Variants in ANKDD1A observed in about 807,000 individuals in gnomAD.
The protein encoded by ANKDD1A is ankyrin repeat and death domain-containing protein 1A.
ANKDD1A carries 59 observed loss-of-function variants against 63.5 expected under a neutral mutation model. The ratio of observed to expected loss-of-function variants is 0.93; its 90% CI spans 0.75 to 1.15. The LOEUF (loss-of-function observed/expected upper bound fraction) is 1.15. Ranked by LOEUF, ANKDD1A falls within the 50% of genes most tolerant of loss-of-function variation. ANKDD1A has a pLI of 0.00. For synonymous variants in ANKDD1A, 266 were observed against 263.9 expected, an observed-to-expected ratio of 1.01 and a Z score of -0.08; for missense variants, 632 against 656.4, an observed-to-expected ratio of 0.96 and a Z score of 0.41.
At chr15:64,921,803 A>G in intron 3 of ANKDD1A, 118 bp from the exon 4 acceptor site, 2 of 807,242 alleles carry the variant, frequency 2.5e-6, no homozygotes, top group Non-Finnish European at 4.0e-6. Context: ...AGCTCCCTGG[A>G]TTAAGTGGCA....
Position 64,949,941 on chromosome 15 carries a change from C to T in ANKDD1A, c.1452C>T (p.Gly484=). ...ACCCCAGCAAAGCGCTGTTCGAGGGCCTCGTGGCCATTGGCAGGAGGGACC... is the reference window on the plus strand; with the variant it reads ...ACCCCAGCAAAGCGCTGTTCGAGGGTCTCGTGGCCATTGGCAGGAGGGACC... ...GENPSKALFE[G]LVAIGRRDLA... is the part of the protein sequence containing the mutation. Residue 484 remains glycine, a synonymous_variant, in exon 14 of 15, where the codon GGC becomes GGT. Transcript: ENST00000319580. 6.2e-7 allele frequency: 1 copy of T among 1,610,008 alleles called. No homozygotes were observed. Among genetic ancestry groups the T allele is most frequent in the Non-Finnish European group, 8.5e-7 (1 of 1,179,978 alleles).
intron 11 of ANKDD1A, among the ~76,000 whole-genome samples, chr15:64,944,081 C>G (rs1394048765): frequency 6.6e-6 from 1 of 152,174 alleles, no homozygotes; most frequent in African/African-American, 2.4e-5. Flanking sequence ...GCGAGGCCAG[C>G]CTAGTATGGT....
chr15:64,914,888 A>G (rs539873874), intron 1 of ANKDD1A, among the ~76,000 whole-genome samples: 1 of 152,176 alleles, frequency 6.6e-6, no homozygotes, highest in Non-Finnish European at 1.5e-5. Flanking sequence ...CTTTAATCTG[A>G]GACTCTGTGC....
rs2085383079 is a variant in ANKDD1A, at chr15:64,954,367, CTTCT to C, written c.1484-2734_1484-2731del. On this transcript the variant is annotated intron_variant, in intron 14 of 14. Coordinates refer to ENST00000319580, the MANE Select transcript of ANKDD1A (RefSeq NM_182703.6). ...CTCTCCTTCTTCTCTTCTTCTCCTT[CTTCT>C]TCCTTTTCTTTTCTTCTTCTTTCTT... is the stretch of plus-strand genomic sequence containing the variant. Among the ~76,000 whole-genome samples, 11 of 31,120 alleles carry C rather than the reference CTTCT, an allele frequency of 3.5e-4. No homozygotes were observed. The South Asian group carries it at 0.015, about 41-fold the overall frequency. The allele number at this position is 31,120 out of a possible 152,430, so 20.4% of individuals were successfully genotyped here. A position where few individuals can be genotyped will look rare whatever the true frequency, so the allele number is the denominator to read the frequency against.
intron 3 of ANKDD1A, among the ~76,000 whole-genome samples, chr15:64,921,674 C>T (rs540543425): frequency 3.7e-4 from 57 of 152,124 alleles, no homozygotes; most frequent in Non-Finnish European, 6.8e-4. Flanking sequence ...CAAGCCTGGC[C>T]GGCAGCTGTC....
At chr15:64,952,374 CCT>C (rs746527809) in intron 14 of ANKDD1A, among the ~76,000 whole-genome samples, 1 of 54,194 alleles carries the variant, frequency 1.8e-5, no homozygotes, top group Admixed American at 2.3e-4. Flanking sequence ...CTTTCTTCTT[CCT>C]CTTTCCTTCT....
chr15:64,915,994 G>C (rs1190827171), intron 2 of ANKDD1A, 94 bp downstream of exon 2: 1 of 1,216,672 alleles, frequency 8.2e-7, no homozygotes, highest in African/African-American at 1.5e-5. Context: ...CTAGAGGCAG[G>C]CACATTTGCA....
chr15:64,952,547 C>T (rs111063812), intron 14 of ANKDD1A, among the ~76,000 whole-genome samples: 20 of 123,692 alleles, frequency 1.6e-4, no homozygotes, highest in Non-Finnish European at 2.7e-4. Context: ...TCCTTCTCCT[C>T]CTCCTTCCTT....
chr15:64,955,801 C>T (rs2085411730), intron 14 of ANKDD1A, among the ~76,000 whole-genome samples: 5 of 152,178 alleles, frequency 3.3e-5, no homozygotes, highest in Admixed American at 3.3e-4. Flanking sequence ...CACAGGGCCA[C>T]AGTCTCTGAA....
At chr15:64,938,959 GA>G in intron 9 of ANKDD1A, among the ~76,000 whole-genome samples, 1 of 132,260 alleles carries the variant, frequency 7.6e-6, no homozygotes, top group Non-Finnish European at 1.7e-5. Context: ...AAAAAAAAAA[GA>G]AACTGAAGAC....
chr15:64,951,594 T>C (rs546435725), intron 14 of ANKDD1A, among the ~76,000 whole-genome samples: 29 of 102,282 alleles, frequency 2.8e-4, no homozygotes, highest in African/African-American at 7.9e-4. Context: ...TCCTTTTCTT[T>C]CTTCTTTCTT....
chr15:64,915,767 C>G, intron 1 of ANKDD1A, 30 bp from the exon 2 acceptor site: 1 of 1,599,104 alleles, frequency 6.3e-7, no homozygotes, highest in Non-Finnish European at 8.6e-7. Context: ...CATCCTCCCC[C>G]TCATCCTGCA....
chr15:64,952,121 TCTCTTTC>T (rs1566916390), intron 14 of ANKDD1A, among the ~76,000 whole-genome samples: 2 of 145,680 alleles, frequency 1.4e-5, no homozygotes, highest in Admixed American at 6.8e-5. Context: ...TCTTCTTTCT[TCTCTTTC>T]TTCTTCTTCC....
intron 12 of ANKDD1A, among the ~76,000 whole-genome samples, chr15:64,945,941 T>C (rs1342129544): frequency 2.0e-5 from 3 of 152,030 alleles, no homozygotes; most frequent in Non-Finnish European, 4.4e-5. Flanking sequence ...CGAATTATGA[T>C]TTTTATCAAG....
At chr15:64,917,632 T>A in intron 3 of ANKDD1A, 118 bp downstream of exon 3, 2 of 1,436,962 alleles carry the variant, frequency 1.4e-6, no homozygotes, top group East Asian at 2.6e-5. Context: ...TGCAGAGTGG[T>A]GGGGAGTCAG....
intron 9 of ANKDD1A, among the ~76,000 whole-genome samples, chr15:64,940,526 A>G (rs151063775): frequency 0.038 from 5,706 of 151,666 alleles, 355 homozygotes; most frequent in South Asian, 0.12. Context: ...TCCGCCTTCC[A>G]GGTTCACGCC....
Position 64,917,519 on chromosome 15 carries a change from G to C in ANKDD1A, c.267+5G>C, listed in dbSNP as rs997883712. The C allele has an allele frequency of 2.0e-6, 3 of 1,529,112 alleles. No homozygotes were observed. The highest frequency in any genetic ancestry group is 4.9e-5 in the East Asian group (2 of 41,230). The allele number at this position is 1,529,112 out of a possible 1,614,324, so 94.7% of individuals were successfully genotyped here. ...CTCACAGAGGCACGTCTGTGTGTAC[G>C]TGTCTGTCTGTCTGTCTGTCTCAGG... On this transcript the variant is annotated splice_donor_5th_base_variant and intron_variant, in intron 3 of 14. Transcript: ENST00000319580.
intron 5 of ANKDD1A, 97 bp downstream of exon 5, chr15:64,926,267 C>G (rs564441082): frequency 1.6e-6 from 2 of 1,241,450 alleles, no homozygotes; most frequent in South Asian, 1.3e-5. Context: ...TGGGTGCATC[C>G]TTTGATCTGT....
At chr15:64,946,726 C>T (rs1783855849) in intron 12 of ANKDD1A, among the ~76,000 whole-genome samples, 2 of 152,072 alleles carry the variant, frequency 1.3e-5, no homozygotes, top group South Asian at 4.2e-4. Context: ...TTTTTAATAC[C>T]CCAGGTGAGA....
Sources: gnomAD v4.1 joint callset for allele counts (sites outside exome capture counted in the v4.1 genomes callset) on GRCh38, gnomAD v4.1.1 for gene constraint, MANE v1.5 for transcripts, NCBI Gene and HGNC (gene_info 2026-07-23, HGNC 2026-07-21) for gene names.